The following SPATA31H1 variants were observed in gnomAD, a reference collection of about 807,000 sequenced individuals.
SPATA31H1 encodes the protein SPATA31 subfamily H member 1, also known as spermatogenesis-associated protein 31H1.
At chr2:27,580,289 G>A in the SPATA31H1 span, 3 of 1,614,112 alleles carry the variant, frequency 1.9e-6, no homozygotes, top group Non-Finnish European at 2.5e-6. Flanking sequence ...AACGCAGCAG[G>A]CCTGACTTAG....
the SPATA31H1 span, chr2:27,579,102 C>G: frequency 6.2e-7 from 1 of 1,614,160 alleles, no homozygotes; most frequent in African/African-American, 1.3e-5. Context: ...ACATCTACCA[C>G]AAAGCTGGAG....
the SPATA31H1 span, among the ~76,000 whole-genome samples, chr2:27,559,087 C>T: frequency 6.6e-6 from 1 of 152,170 alleles, no homozygotes; most frequent in Non-Finnish European, 1.5e-5. Context: ...TTCTAGTAAG[C>T]ATGGCAATTT....
At chr2:27,559,455 T>C in the SPATA31H1 span, among the ~76,000 whole-genome samples, 1 of 152,240 alleles carries the variant, frequency 6.6e-6, no homozygotes, top group Non-Finnish European at 1.5e-5. Context: ...GGATCTTGGC[T>C]CTTCTGGTTT....
At chr2:27,537,455 C>G in the SPATA31H1 span, 1 of 717,478 alleles carries the variant, frequency 1.4e-6, no homozygotes, top group Non-Finnish European at 2.6e-6. Flanking sequence ...ATGGACGTCC[C>G]ACTGCCATCA....
At chr2:27,580,029 G>T in the SPATA31H1 span, 2 of 1,614,116 alleles carry the variant, frequency 1.2e-6, no homozygotes, top group Admixed American at 3.3e-5. Flanking sequence ...GCTCCACCTT[G>T]TACGCACTCC....
chr2:27,562,066 T>C, the SPATA31H1 span, among the ~76,000 whole-genome samples: 286 of 152,318 alleles, frequency 1.9e-3, no homozygotes, highest in Non-Finnish European at 2.7e-3. Context: ...TTATAATAAA[T>C]GGCCATGTAT....
chr2:27,567,349 C>A, the SPATA31H1 span: 3 of 527,948 alleles, frequency 5.7e-6, no homozygotes, highest in Non-Finnish European at 3.3e-6. Context: ...TTGAGGAAAT[C>A]ATGGGCAATG....
At chr2:27,576,660 G>A in the SPATA31H1 span, 5 of 1,613,838 alleles carry the variant, frequency 3.1e-6, no homozygotes, top group South Asian at 5.5e-5. Flanking sequence ...AATGATGTTG[G>A]TACCAGAGCC....
At chr2:27,574,705 A>G in the SPATA31H1 span, 2 of 398,396 alleles carry the variant, frequency 5.0e-6, no homozygotes, top group Admixed American at 4.4e-5. Context: ...CATGGTCTAA[A>G]GTTACAAGGT....
chr2:27,581,096 C>T, the SPATA31H1 span: 3 of 1,614,194 alleles, frequency 1.9e-6, no homozygotes, highest in Admixed American at 1.7e-5. Context: ...CACCAGGAAC[C>T]AGAGTTCAGG....
chr2:27,552,381 T>C, the SPATA31H1 span, among the ~76,000 whole-genome samples: 2 of 151,956 alleles, frequency 1.3e-5, no homozygotes, highest in Non-Finnish European at 2.9e-5. Flanking sequence ...TTGTTACCCT[T>C]ATAGAAAATC....
chr2:27,541,309 C>G, the SPATA31H1 span, among the ~76,000 whole-genome samples: 3 of 151,524 alleles, frequency 2.0e-5, no homozygotes, highest in Admixed American at 1.3e-4. Flanking sequence ...GCAGGAGAAT[C>G]AGGCAGGGAG....
chr2:27,549,106 AT>A, the SPATA31H1 span, among the ~76,000 whole-genome samples: 1 of 145,426 alleles, frequency 6.9e-6, no homozygotes, highest in Non-Finnish European at 1.5e-5. Flanking sequence ...GAAATGGGTT[AT>A]TTGTCCTTTA....
the SPATA31H1 span, among the ~76,000 whole-genome samples, chr2:27,540,190 G>T: frequency 9.3e-6 from 1 of 108,000 alleles, no homozygotes; most frequent in East Asian, 3.4e-4. Context: ...CGGGCAGAGG[G>T]GCTCCTCACT....
At chr2:27,548,828 T>G in the SPATA31H1 span, among the ~76,000 whole-genome samples, 5 of 151,652 alleles carry the variant, frequency 3.3e-5, no homozygotes, top group African/African-American at 9.7e-5. Context: ...ATCCCAGCAC[T>G]TTGGGAGGCC....
At chr2:27,545,675 A>G in the SPATA31H1 span, among the ~76,000 whole-genome samples, 1 of 151,188 alleles carries the variant, frequency 6.6e-6, no homozygotes, top group Admixed American at 6.6e-5. Flanking sequence ...CCTGAGATCA[A>G]GTGATTCTCC....
At chr2:27,539,569 C>T in the SPATA31H1 span, among the ~76,000 whole-genome samples, 1 of 119,114 alleles carries the variant, frequency 8.4e-6, no homozygotes, top group African/African-American at 3.3e-5. Context: ...CCCCACTCTT[C>T]CCGCCTTTCT....
At chr2:27,538,495 T>G in the SPATA31H1 span, among the ~76,000 whole-genome samples, 1 of 151,982 alleles carries the variant, frequency 6.6e-6, no homozygotes, top group Non-Finnish European at 1.5e-5. Flanking sequence ...CATGGTTTAG[T>G]GGGAAGAAGC....
chr2:27,574,956 C>T, the SPATA31H1 span: 93 of 398,356 alleles, frequency 2.3e-4, no homozygotes, highest in African/African-American at 1.6e-4. Context: ...TAGGCCAATG[C>T]GGCAAGATGT....
Sources: allele counts gnomAD v4.1 joint callset (sites outside exome capture counted in the v4.1 genomes callset), GRCh38; gene constraint gnomAD v4.1.1; transcripts MANE v1.5; gene names NCBI Gene and HGNC (gene_info 2026-07-23, HGNC 2026-07-21).